GFAP: variants seen among roughly 807,000 people sequenced by gnomAD.
GFAP encodes the protein glial fibrillary acidic protein.
A neutral mutation model predicts 49.3 loss-of-function variants in GFAP; 38 were observed. The observed-to-expected ratio is 0.77, with a 90% CI of 0.60 to 1.01. The LOEUF is 1.01. Ranked by LOEUF, GFAP falls within the 50% of genes least tolerant of loss-of-function variation. GFAP has a pLI of 0.00. For missense variants in GFAP, 463 were observed against 579.1 expected (o/e 0.80, Z 2.06); for synonymous variants, 222 against 236.4 (o/e 0.94, Z 0.56).
rs2051639883 is a variant in GFAP, at chr17:44,905,389, T to G, written c.*1958A>C. Reference sequence around the variant, plus strand: ...GTAAACACTGATCAGTGTTGAATCATGTTTGAGCTGCTTTGCTTTCTTGCC... The same window carrying G: ...GTAAACACTGATCAGTGTTGAATCAGGTTTGAGCTGCTTTGCTTTCTTGCC... On this transcript the variant is annotated 3_prime_UTR_variant, in exon 9 of 9. Transcript: ENST00000588735. 3.6e-6 allele frequency: 1 copy of G among 280,192 alleles called. No individual in the cohort carries two copies. Among genetic ancestry groups the G allele is most frequent in the Admixed American group, 4.9e-5 (1 of 20,330 alleles). 17.4% of individuals were successfully genotyped at this position (280,192 alleles called of 1,614,324 possible). A position where few individuals can be genotyped will look rare whatever the true frequency, so the allele number is the denominator to read the frequency against.
rs749815672 is a variant in GFAP at position 44,915,456 on chromosome 17, G to C, written c.31C>G (p.Arg11Gly). The change falls in exon 1 of 9, where the codon CGC becomes GGC. Residue 11 changes from arginine to glycine, a missense_variant. By Grantham distance (125) the Arg-to-Gly change is moderately radical. Coordinates refer to ENST00000588735, the MANE Select transcript of GFAP (RefSeq NM_002055.5). This position sits in a 1 kb window ranked among gnomAD's most constrained non-coding sequence, Gnocchi z 4.1. ...TCCCCTGAGGAGACGTAGGAGCGGC[G>C]AGCAGCGGAGGTGATGCGTCTCCTC... is the stretch of plus-strand genomic sequence containing the variant. MERRRITSAA[R>G]RSYVSSGEMM... 2.5e-6 allele frequency: 4 copies of C among 1,601,298 alleles called. No individual in the cohort carries two copies. Among genetic ancestry groups the C allele is most frequent in the Non-Finnish European group, 2.6e-6 (3 of 1,174,618 alleles).
intron 3 of GFAP, 147 bp from the exon 4 acceptor site, chr17:44,913,577 G>T: frequency 9.2e-7 from 1 of 1,087,910 alleles, no homozygotes; most frequent in Non-Finnish European, 1.4e-6. Flanking sequence ...GTGTCTTTCT[G>T]TTTGTCTTTC....
At position 44,907,398 on chromosome 17, in the gene GFAP, A is replaced by T. The variant is rs1864820559; in HGVS notation, c.1258-10T>A. The stretch of plus-strand genomic sequence containing the variant: ...TGGACTCCTTAATGACCTGCAGGGG[A>T]CAGGGAACGTGCACAGTGCAACAGT... On this transcript the variant is annotated splice_polypyrimidine_tract_variant and intron_variant, in intron 8 of 8. Transcript: ENST00000588735. 1 of 1,605,046 alleles carries T rather than the reference A, an allele frequency of 6.2e-7. No homozygotes were observed. The highest frequency in any genetic ancestry group is 8.5e-7 in the Non-Finnish European group (1 of 1,171,810).
rs772716058 is a variant in GFAP, at chr17:44,904,241, G to A, written c.*3106C>T. ...GGGGGACTACTTTTACGCCTACGAT[G>A]TGGACATCCAGAACAGTGAGGGAAT... On this transcript the variant is annotated 3_prime_UTR_variant, in exon 9 of 9. Transcript: ENST00000588735. 2.6e-6 allele frequency: 4 copies of A among 1,550,458 alleles called. No homozygotes were observed. The highest frequency in any genetic ancestry group is 3.5e-6 in the Non-Finnish European group (4 of 1,147,020).
intron 1 of GFAP, chr17:44,914,371 A>ACACC (rs2051857422): frequency 1.3e-5 from 6 of 475,680 alleles, no homozygotes; most frequent in South Asian, 2.6e-5. Context: ...TGTTGCACAC[A>ACACC]CACACACACA....
At chr17:44,913,216 C>T in intron 4 of GFAP, 53 bp downstream of exon 4, 1 of 1,563,366 alleles carries the variant, frequency 6.4e-7, no homozygotes, top group Admixed American at 1.7e-5. Flanking sequence ...TTCTCTTGTA[C>T]AGAGCAAGAA....
intron 6 of GFAP, chr17:44,910,894 G>A: frequency 1.6e-6 from 1 of 626,648 alleles, no homozygotes; most frequent in South Asian, 2.0e-5. Context: ...GATGGAAAAG[G>A]GAGGGGAAAG....
Position 44,914,027 on chromosome 17 carries a change from C to A in GFAP, c.522+1G>T. On this transcript the variant is annotated splice_donor_variant, in intron 2 of 8. Transcript: ENST00000588735. LOFTEE classifies it high-confidence loss of function. ...CTGCCCCTCCCCTCCACCTCCCTGA[C>A]CTGTCTATAGGCAGCCAGGTTGTTC... is the stretch of plus-strand genomic sequence containing the variant. 2 of 1,554,616 alleles carry A rather than the reference C, an allele frequency of 1.3e-6. No individual in the cohort carries two copies. Among genetic ancestry groups the A allele is most frequent in the Non-Finnish European group, 1.7e-6 (2 of 1,146,696 alleles).
rs1306121645 is a variant in GFAP at position 44,913,320 on chromosome 17, C to T, written c.729G>A (p.Glu243=). ...AALKEIRTQY[E]AMASSNMHEA... is the part of the protein sequence containing the mutation. ...CATGCATGTTGCTGGACGCCATTGCCTCATACTGCGTGCGGATCTCTTTCA... is the reference window on the plus strand; with the variant it reads ...CATGCATGTTGCTGGACGCCATTGCTTCATACTGCGTGCGGATCTCTTTCA... Residue 243 remains glutamate, a synonymous_variant, in exon 4 of 9, where the codon GAG becomes GAA. Transcript: ENST00000588735. 6.2e-7 allele frequency: 1 copy of T among 1,614,074 alleles called. No individual in the cohort carries two copies. Among genetic ancestry groups the T allele is most frequent in the African/African-American group, 1.3e-5 (1 of 74,928 alleles).
chr17:44,914,745 C>T (rs1364633140), intron 1 of GFAP: 1 of 508,702 alleles, frequency 2.0e-6, no homozygotes, highest in South Asian at 2.3e-5. Context: ...ATGAATGAAA[C>T]ACAGGGGCCC....
intron 7 of GFAP, chr17:44,910,394 A>G: frequency 1.2e-6 from 2 of 1,605,128 alleles, no homozygotes; most frequent in Non-Finnish European, 1.7e-6. Flanking sequence ...AGGGAGGGGA[A>G]GAGGGACCAG....
intron 7 of GFAP, chr17:44,909,766 A>G: frequency 9.1e-7 from 1 of 1,099,440 alleles, no homozygotes; most frequent in Non-Finnish European, 1.1e-6. Flanking sequence ...CACTGAGCTG[A>G]GCGATGGAGC....
chr17:44,911,667 C>T lies in GFAP; in HGVS notation c.906+5G>A. ...CCGTCCCCGTCCTGCCCTGGCCGCG[C>T]TCACCGTGCCGCGCAGAGACTCCAG... On this transcript the variant is annotated splice_donor_5th_base_variant and intron_variant, in intron 5 of 8. Transcript: ENST00000588735. 1 of 1,612,228 alleles carries T rather than the reference C, an allele frequency of 6.2e-7. No individual in the cohort carries two copies. The highest frequency in any genetic ancestry group is 8.5e-7 in the Non-Finnish European group (1 of 1,179,860).
rs776219998 is a variant in GFAP at position 44,915,075 on chromosome 17, C to G, written c.412G>C (p.Glu138Gln). Residue 138 changes from glutamate (E) to glutamine (Q), a missense_variant, in exon 1 of 9, where the codon GAG becomes CAG. By Grantham distance (29) the Glu-to-Gln change is conservative. This residue lies in a region of GFAP where 362 missense variants were observed against 445.5 expected (regional missense o/e 0.81). Transcript: ENST00000588735. This position sits in a 1 kb window ranked among gnomAD's most constrained non-coding sequence, Gnocchi z 4.1. ...DQLTANSARL[E>Q]VERDNLAQDL... ...TGTGCCAGATTGTCCCTCTCAACCT[C>G]CAGCCGGGCGCTGTTGGCGGTGAGT... 2 of 1,613,320 alleles carry G rather than the reference C, an allele frequency of 1.2e-6. No homozygotes were observed. Among genetic ancestry groups the G allele is most frequent in the African/African-American group, 2.7e-5 (2 of 74,942 alleles).
In GFAP at chr17:44,915,000, G is replaced by GC. The variant is rs760175859; in HGVS notation, c.461+25dup. 6.3e-6 allele frequency: 10 copies of GC among 1,584,852 alleles called. No individual in the cohort carries two copies. In the African/African-American group the frequency reaches 9.4e-5, roughly 15 times the overall value. Reference sequence around the variant, plus strand: ...GGATTCAGCCCCTTCTGCTCACAAGGCCCCCCTTCCCCATCCCCTCCTCAC... The same window carrying GC: ...GGATTCAGCCCCTTCTGCTCACAAGGCCCCCCCTTCCCCATCCCCTCCTCAC... On this transcript the variant is annotated intron_variant, in intron 1 of 8. Coordinates refer to ENST00000588735, the MANE Select transcript of GFAP (RefSeq NM_002055.5).
In GFAP at chr17:44,904,838, C is replaced by T; in HGVS notation, c.*2509G>A. ...CCAGCTCCACATCCGCTTCACCCAG[C>T]TGGATGACCGGGGCATCTACTATTG... is the stretch of plus-strand genomic sequence containing the variant. On this transcript the variant is annotated 3_prime_UTR_variant, in exon 9 of 9. Coordinates refer to ENST00000588735, the MANE Select transcript of GFAP (RefSeq NM_002055.5). The T allele has an allele frequency of 1.9e-6, 3 of 1,550,694 alleles. No homozygotes were observed. Among genetic ancestry groups the T allele is most frequent in the Non-Finnish European group, 2.6e-6 (3 of 1,147,000 alleles).
At position 44,905,520 on chromosome 17, in the gene GFAP, G is replaced by T. The variant is rs75537463; in HGVS notation, c.*1827C>A. 1,386 of 178,978 alleles carry T rather than the reference G, an allele frequency of 7.7e-3. 16 individuals are homozygous for T. The highest frequency in any genetic ancestry group is 0.031 in the African/African-American group (1,307 of 41,950). 11.1% of individuals were successfully genotyped at this position (178,978 alleles called of 1,614,324 possible). A position where few individuals can be genotyped will look rare whatever the true frequency, so the allele number is the denominator to read the frequency against. On this transcript the variant is annotated 3_prime_UTR_variant, in exon 9 of 9. Coordinates refer to ENST00000588735, the MANE Select transcript of GFAP (RefSeq NM_002055.5). ...TTTGGCTGCGGGTGGAATTTGGTGAGGGCATGGGCCCCAGAGATGATCAGT... is the reference window on the plus strand; with the variant it reads ...TTTGGCTGCGGGTGGAATTTGGTGATGGCATGGGCCCCAGAGATGATCAGT...
Position 44,904,477 on chromosome 17 carries a change from A to G in GFAP, c.*2870T>C, listed in dbSNP as rs1222066194. On this transcript the variant is annotated 3_prime_UTR_variant, in exon 9 of 9. Coordinates refer to ENST00000588735, the MANE Select transcript of GFAP (RefSeq NM_002055.5). ...TGCCCGATGTGGTGTCTTGTGGCTC[A>G]AGGGCTGTGCCAAGGAAGCTGCGGA... is the stretch of plus-strand genomic sequence containing the variant. 6.5e-7 allele frequency: 1 copy of G among 1,547,456 alleles called. No homozygotes were observed. Among genetic ancestry groups the G allele is most frequent in the Non-Finnish European group, 8.7e-7 (1 of 1,144,890 alleles).
rs2051594165 is a variant in GFAP, at chr17:44,903,354, T to A, written c.*3993A>T. The stretch of plus-strand genomic sequence containing the variant: ...TTGGGCCTGGGAAAGTCCCAAGCCA[T>A]CAGCTCAGGTCCAGCCAGCCTCCCG... On this transcript the variant is annotated 3_prime_UTR_variant, in exon 9 of 9. Transcript: ENST00000588735. 8.0e-7 allele frequency: 1 copy of A among 1,246,976 alleles called. No homozygotes were observed. The highest frequency in any genetic ancestry group is 1.6e-5 in the African/African-American group (1 of 64,510). The allele number at this position is 1,246,976 out of a possible 1,614,324, so 77.2% of individuals were successfully genotyped here. A position where few individuals can be genotyped will look rare whatever the true frequency, so the allele number is the denominator to read the frequency against.
Sources: gnomAD v4.1 joint callset for allele counts on GRCh38, gnomAD v4.1.1 for gene constraint, gnomAD v4.1.1 regional missense constraint, Gnocchi (gnomAD v3.1) non-coding constraint, MANE v1.5 for transcripts, NCBI Gene and HGNC (gene_info 2026-07-23, HGNC 2026-07-21) for gene names.